The following PIEZO2 variants were observed in gnomAD, a reference collection of about 807,000 sequenced individuals.
PIEZO2 encodes the protein piezo-type mechanosensitive ion channel component 2.
Under a neutral mutation model 337.3 loss-of-function variants are expected in PIEZO2, and 172 were observed. The ratio of observed to expected loss-of-function variants is 0.51; its 90% CI spans 0.45 to 0.58. The LOEUF is 0.58. PIEZO2 is among the 20% of genes least tolerant of loss of function. The pLI is 0.00. For synonymous variants in PIEZO2, 1,251 were observed against 1,228.5 expected (o/e 1.02, Z -0.38); for missense variants, 3,028 against 3,391.3 (o/e 0.89, Z 2.66).
chr18:10,851,157 T>C (rs1226024897), intron 7 of PIEZO2, among the ~76,000 whole-genome samples: 1 of 59,288 alleles, frequency 1.7e-5, no homozygotes, highest in Non-Finnish European at 2.9e-5. Flanking sequence ...TCTTTTATCT[T>C]TTTTTTTTTT....
At chr18:10,941,223 TAGAG>T (rs750191267) in intron 3 of PIEZO2, among the ~76,000 whole-genome samples, 3 of 152,136 alleles carry the variant, frequency 2.0e-5, no homozygotes, top group Non-Finnish European at 4.4e-5. Flanking sequence ...TGGGAATCCT[TAGAG>T]AGAGTAAGGA....
chr18:11,007,419 C>A (rs1412380619), intron 2 of PIEZO2, among the ~76,000 whole-genome samples: 2 of 152,102 alleles, frequency 1.3e-5, no homozygotes, highest in African/African-American at 2.4e-5. Flanking sequence ...AGGGTTCCAC[C>A]ACGAGAATCA....
intron 3 of PIEZO2, among the ~76,000 whole-genome samples, chr18:10,948,697 C>T (rs1056316068): frequency 7.2e-5 from 11 of 152,056 alleles, no homozygotes; most frequent in South Asian, 2.1e-4. Flanking sequence ...ACAAAACCAC[C>T]GTTGATTCTT....
chr18:11,005,576 AG>A (rs1438484185), intron 2 of PIEZO2, among the ~76,000 whole-genome samples: 2 of 151,514 alleles, frequency 1.3e-5, no homozygotes. Flanking sequence ...GGTGTAGATT[AG>A]CGACTGCTAA....
At chr18:10,835,921 C>T (rs1367087249) in intron 7 of PIEZO2, among the ~76,000 whole-genome samples, 3 of 152,188 alleles carry the variant, frequency 2.0e-5, no homozygotes, top group African/African-American at 7.2e-5. Flanking sequence ...TTGCAAAGAT[C>T]GGATGAAAGT....
At chr18:11,123,086 T>C (rs2040077124) in intron 1 of PIEZO2, among the ~76,000 whole-genome samples, 1 of 152,130 alleles carries the variant, frequency 6.6e-6, no homozygotes, top group Non-Finnish European at 1.5e-5. Context: ...AAATGCTGCT[T>C]ACTATAACAG....
Position 10,704,463 on chromosome 18 carries a change from G to T in PIEZO2, c.6189C>A (p.Phe2063Leu), listed in dbSNP as rs1214445846. The T allele has an allele frequency of 6.5e-7, 1 of 1,537,278 alleles. No homozygotes were observed. Among genetic ancestry groups the T allele is most frequent in the Non-Finnish European group, 8.7e-7 (1 of 1,146,914 alleles). Residue 2063 changes from phenylalanine (F) to leucine (L), a missense_variant, in exon 42 of 56, where the codon TTC becomes TTA. Phe to Leu is a conservative substitution (Grantham distance 22). Around this residue, in one of 5 missense-constraint regions of PIEZO2, gnomAD observed 1,925 missense variants for 2,051.9 expected, o/e 0.94. Transcript: ENST00000674853. ...TGGGGACGGACAACATGGCCCAGAG[G>T]AAGATGAGGATGGGAAGCAGGAGCG... ...MITLLLPILI[F>L]LWAMLSVPRP...
rs1296351634 is a variant in PIEZO2, at chr18:10,969,585, A to AT, written c.286+9949dup. ...TTCCCAAATCCAAATGGAAATCCAA[A>AT]TTTTTTTTTGCGAAGGAAATAAATA... On this transcript the variant is annotated intron_variant, in intron 3 of 55. Transcript: ENST00000674853. This position sits in a 1 kb window ranked among gnomAD's most constrained non-coding sequence, Gnocchi z 4.5. 1.3e-5 allele frequency among the ~76,000 whole-genome samples: 2 copies of AT among 151,620 alleles called. No homozygotes were observed. The highest frequency in any genetic ancestry group is 2.9e-5 in the Non-Finnish European group (2 of 67,880).
rs1438298429 is a variant in PIEZO2 at position 10,783,870 on chromosome 18, T to TG, written c.2492+913dup. Among the ~76,000 whole-genome samples, 50 of 152,368 alleles carry TG rather than the reference T, an allele frequency of 3.3e-4. No homozygotes were observed. Among genetic ancestry groups the TG allele is most frequent in the African/African-American group, 1.1e-3 (44 of 41,594 alleles). On this transcript the variant is annotated intron_variant, in intron 17 of 55. Transcript: ENST00000674853. This position sits in a 1 kb window ranked among gnomAD's most constrained non-coding sequence, Gnocchi z 4.3. ...CTCTAGTTCCTACACAGCAGAACGC[T>TG]GGAAGTTTGGCATTTTACGAAATGC...
Position 11,132,192 on chromosome 18 carries a change from A to G in PIEZO2, c.64+16333T>C, listed in dbSNP as rs78810659. ...ATATAGGTTTGCCTGTCCTGCATGC[A>G]ATGCTTCTGCCAAGACTACCATCCA... On this transcript the variant is annotated intron_variant, in intron 1 of 55. Transcript: ENST00000674853. This position sits in a 1 kb window ranked among gnomAD's most constrained non-coding sequence, Gnocchi z 4.7. Among the ~76,000 whole-genome samples, 904 of 152,260 alleles carry G rather than the reference A, an allele frequency of 5.9e-3. 22 individuals carry two copies. The East Asian group carries it at 0.065, about 11-fold the overall frequency.
At chr18:11,084,029 T>A (rs1446339737) in intron 1 of PIEZO2, among the ~76,000 whole-genome samples, 1 of 151,812 alleles carries the variant, frequency 6.6e-6, no homozygotes, top group East Asian at 1.9e-4. Flanking sequence ...ATACAAAAAT[T>A]AGCCAGGTGT....
rs185528211 is a variant in PIEZO2, at chr18:10,710,492, T to C, written c.5424-2053A>G. 2.7e-3 allele frequency among the ~76,000 whole-genome samples: 408 copies of C among 152,354 alleles called. 7 individuals are homozygous for C. Among genetic ancestry groups the C allele is most frequent in the African/African-American group, 9.4e-3 (392 of 41,578 alleles). On this transcript the variant is annotated intron_variant, in intron 39 of 55. Transcript: ENST00000674853. ...GCCCCTCAGAATGTTAATTAATGTT[T>C]TCTGTGTTATCTGATTATATAAAGC...
intron 2 of PIEZO2, among the ~76,000 whole-genome samples, chr18:11,060,508 A>T (rs1422803731): frequency 1.3e-5 from 2 of 152,234 alleles, no homozygotes; most frequent in Admixed American, 6.5e-5. Flanking sequence ...ATAGACTGCT[A>T]GCAAGACTAA....
chr18:11,085,774 A>C (rs997594946), intron 1 of PIEZO2, among the ~76,000 whole-genome samples: 3 of 150,572 alleles, frequency 2.0e-5, no homozygotes, highest in Non-Finnish European at 4.5e-5. Context: ...ATAGAAAAAA[A>C]ATTTTTTTTA....
At chr18:11,138,420 C>T (rs750750923) in intron 1 of PIEZO2, among the ~76,000 whole-genome samples, 21 of 152,186 alleles carry the variant, frequency 1.4e-4, no homozygotes, top group Non-Finnish European at 2.4e-4. Flanking sequence ...CTCAGCCTCC[C>T]GAGTAGCTGG....
Position 10,759,617 on chromosome 18 carries a change from A to G in PIEZO2, c.3656-34T>C. The G allele has an allele frequency of 3.9e-6, 6 of 1,535,168 alleles. No individual in the cohort carries two copies. Among genetic ancestry groups the G allele is most frequent in the Non-Finnish European group, 4.4e-6 (5 of 1,144,984 alleles). ...AGGGAAGTGGCGAACAGCACAATCA[A>G]TACTCTTCTTCACCACTCTTCTCCC... On this transcript the variant is annotated intron_variant, in intron 25 of 55. Coordinates refer to ENST00000674853, the MANE Select transcript of PIEZO2 (RefSeq NM_001378183.1). The surrounding 1 kb of genome is among the most constrained non-coding windows in gnomAD (Gnocchi z 5.5).
intron 3 of PIEZO2, among the ~76,000 whole-genome samples, chr18:10,915,702 A>G (rs2030881651): frequency 6.6e-6 from 1 of 152,128 alleles, no homozygotes; most frequent in Admixed American, 6.5e-5. Context: ...GAGGAAACCA[A>G]GGGTTAGAGA....
At chr18:11,087,551 G>A (rs572599299) in intron 1 of PIEZO2, among the ~76,000 whole-genome samples, 7 of 152,350 alleles carry the variant, frequency 4.6e-5, no homozygotes, top group Non-Finnish European at 8.8e-5. Flanking sequence ...TCAATGTCCA[G>A]TGGGAAGATC....
chr18:10,858,255 G>A (rs928717163), intron 5 of PIEZO2, among the ~76,000 whole-genome samples: 6 of 148,158 alleles, frequency 4.0e-5, no homozygotes, highest in Non-Finnish European at 7.4e-5. Flanking sequence ...CCTGGGAGGC[G>A]GAGGTTGCAG....
Sources: gnomAD v4.1 joint callset for allele counts (sites outside exome capture counted in the v4.1 genomes callset) on GRCh38, gnomAD v4.1.1 for gene constraint, gnomAD v4.1.1 regional missense constraint, Gnocchi (gnomAD v3.1) non-coding constraint, MANE v1.5 for transcripts, NCBI Gene and HGNC (gene_info 2026-07-23, HGNC 2026-07-21) for gene names.